Variants in PPCDC observed in about 807,000 individuals in gnomAD.
PPCDC encodes phosphopantothenoylcysteine decarboxylase.
PPCDC carries 20 observed loss-of-function variants against 20.7 expected under a neutral mutation model. The observed-to-expected ratio is 0.97, with a 90% CI of 0.68 to 1.41. The LOEUF is 1.41. PPCDC is among the 40% of genes most tolerant of loss of function. PPCDC has a pLI of 0.00. For synonymous variants in PPCDC, 88 were observed against 100.3 expected, an observed-to-expected ratio of 0.88 and a Z score of 0.73; for missense variants, 246 against 263.8, an observed-to-expected ratio of 0.93 and a Z score of 0.47.
At chr15:75,043,641 G>A (rs892658877) in intron 3 of PPCDC, 105 bp downstream of exon 3, 1 of 1,050,034 alleles carries the variant, frequency 9.5e-7, no homozygotes, top group Admixed American at 2.2e-5. Flanking sequence ...GACAGGCTGG[G>A]CTCAAGTCTG....
Position 75,043,553 on chromosome 15 carries a change from C to T in PPCDC, c.231+17C>T. 6.3e-7 allele frequency: 1 copy of T among 1,583,252 alleles called. No homozygotes were observed. The highest frequency in any genetic ancestry group is 8.6e-7 in the Non-Finnish European group (1 of 1,158,994). On this transcript the variant is annotated intron_variant, in intron 3 of 5. Coordinates refer to ENST00000342932, the MANE Select transcript of PPCDC (RefSeq NM_021823.5). The stretch of plus-strand genomic sequence containing the variant: ...GAATGGGAGGTCAGTGCTGGGGCCC[C>T]TGGGCTGAGTTCCATTGAGTTTCCA...
At chr15:75,039,488 A>G (rs2066126566) in intron 2 of PPCDC, among the ~76,000 whole-genome samples, 2 of 152,024 alleles carry the variant, frequency 1.3e-5, no homozygotes, top group East Asian at 1.9e-4. Context: ...ACCTGGGGGG[A>G]CTTTAGCTGT....
rs777015835 is a variant in PPCDC at position 75,044,429 on chromosome 15, G to A, written c.275G>A (p.Arg92Gln). The change falls in exon 4 of 6, where the codon CGG becomes CAG. Residue 92 changes from arginine (R) to glutamine (Q), a missense_variant. Coordinates refer to ENST00000342932, the MANE Select transcript of PPCDC (RefSeq NM_021823.5). ...GACCCAGTTCTGCACATTGACCTGC[G>A]GAGGTGGGCAGACCTCCTGCTGGTG... ...RSDPVLHIDLRRWADLLLVAP... is the reference protein window; with the variant it reads ...RSDPVLHIDLQRWADLLLVAP... 1.6e-5 allele frequency: 26 copies of A among 1,614,000 alleles called. No individual in the cohort carries two copies. The highest frequency in any genetic ancestry group is 1.1e-4 in the East Asian group (5 of 44,884).
chr15:75,025,782 A>G (rs2065952982), intron 1 of PPCDC, among the ~76,000 whole-genome samples: 1 of 152,222 alleles, frequency 6.6e-6, no homozygotes, highest in Non-Finnish European at 1.5e-5. Context: ...TAATAGACTT[A>G]CTGGTTTGGA....
chr15:75,028,225 G>C, intron 1 of PPCDC, 22 bp from the exon 2 acceptor site: 1 of 1,495,074 alleles, frequency 6.7e-7, no homozygotes, highest in Non-Finnish European at 9.0e-7. Context: ...AATGAAGGGG[G>C]TGGCCCTTGT....
intron 2 of PPCDC, among the ~76,000 whole-genome samples, chr15:75,036,837 G>T (rs531522203): frequency 6.6e-6 from 1 of 151,738 alleles, no homozygotes; most frequent in African/African-American, 2.4e-5. Flanking sequence ...ATGATTGATT[G>T]ATTATTTTTT....
At chr15:75,035,992 A>T (rs966363039) in intron 2 of PPCDC, among the ~76,000 whole-genome samples, 1 of 151,026 alleles carries the variant, frequency 6.6e-6, no homozygotes, top group African/African-American at 2.4e-5. Context: ...AAGGAAAAAA[A>T]CTTTTTTCTA....
At chr15:75,047,418 G>T (rs2066250667) in intron 4 of PPCDC, among the ~76,000 whole-genome samples, 1 of 152,194 alleles carries the variant, frequency 6.6e-6, no homozygotes, top group Non-Finnish European at 1.5e-5. Flanking sequence ...GGAGGTGCTG[G>T]TCCTGTCCTG....
chr15:75,037,734 C>CTGTTGT (rs201744803), intron 2 of PPCDC, among the ~76,000 whole-genome samples: 2 of 151,988 alleles, frequency 1.3e-5, no homozygotes, highest in East Asian at 1.9e-4. Context: ...AAGTGAGACT[C>CTGTTGT]TGTTGTTGTT....
intron 2 of PPCDC, among the ~76,000 whole-genome samples, chr15:75,039,278 A>AT (rs1216703397): frequency 6.6e-6 from 1 of 152,112 alleles, no homozygotes; most frequent in East Asian, 1.9e-4. Context: ...CCCTACTGCC[A>AT]GGGTTATTTG....
At chr15:75,047,455 C>T (rs1476079664) in intron 4 of PPCDC, among the ~76,000 whole-genome samples, 6 of 152,220 alleles carry the variant, frequency 3.9e-5, no homozygotes, top group Non-Finnish European at 5.9e-5. Flanking sequence ...TGGACTCCTT[C>T]GCTCTTTTCC....
At chr15:75,041,505 C>T (rs542464395) in intron 2 of PPCDC, among the ~76,000 whole-genome samples, 15 of 152,116 alleles carry the variant, frequency 9.9e-5, no homozygotes, top group Admixed American at 9.2e-4. Flanking sequence ...GTGACATGCA[C>T]CTGTAGTCCC....
chr15:75,048,603 G>A lies in PPCDC; in HGVS notation c.411G>A (p.Pro137=), dbSNP rs773640741. ...WDRSKPLLFC[P]AMNTAMWEHP... ...GCAGCAAGCCCCTGCTCTTCTGCCC[G>A]GCCATGAACACCGCCATGTGGGAGC... The change falls in exon 5 of 6, where the codon CCG becomes CCA. Residue 137 remains proline (P), a synonymous_variant. Transcript: ENST00000342932. 29 of 1,614,198 alleles carry A rather than the reference G, an allele frequency of 1.8e-5. No homozygotes were observed. The highest frequency in any genetic ancestry group is 9.3e-5 in the African/African-American group (7 of 75,060).
At chr15:75,030,330 C>G (rs191502164) in intron 2 of PPCDC, among the ~76,000 whole-genome samples, 1 of 152,358 alleles carries the variant, frequency 6.6e-6, no homozygotes, top group Non-Finnish European at 1.5e-5. Context: ...TGTTGAAGCA[C>G]TCGGTTGTGT....
chr15:75,049,327 C>T lies in PPCDC; in HGVS notation c.*92C>T, dbSNP rs1268524738. On this transcript the variant is annotated 3_prime_UTR_variant, in exon 6 of 6. Transcript: ENST00000342932. ...GATGTTGGCAAAATAGGAGGATACC[C>T]TCATTTGCTGAATGGGGGACCTGCT... 1 of 1,254,906 alleles carries T rather than the reference C, an allele frequency of 8.0e-7. No individual in the cohort carries two copies. Among genetic ancestry groups the T allele is most frequent in the African/African-American group, 1.5e-5 (1 of 67,768 alleles). 77.7% of individuals were successfully genotyped at this position (1,254,906 alleles called of 1,614,324 possible). A position where few individuals can be genotyped will look rare whatever the true frequency, so the allele number is the denominator to read the frequency against.
At chr15:75,044,350 T>A (rs768377811) in intron 3 of PPCDC, 36 bp from the exon 4 acceptor site, 1 of 1,609,544 alleles carries the variant, frequency 6.2e-7, no homozygotes, top group South Asian at 1.1e-5. Flanking sequence ...GCATCCTGCT[T>A]CCTCCACACT....
intron 1 of PPCDC, among the ~76,000 whole-genome samples, chr15:75,024,632 G>A (rs1444009789): frequency 2.0e-5 from 3 of 151,304 alleles, no homozygotes; most frequent in African/African-American, 7.3e-5. Flanking sequence ...GGGATTACAG[G>A]TGTGAGCCAC....
chr15:75,049,569 T>G lies in PPCDC; in HGVS notation c.*334T>G. The G allele has an allele frequency of 3.9e-6, 1 of 258,014 alleles. No individual in the cohort carries two copies. The highest frequency in any genetic ancestry group is 5.1e-5 in the Admixed American group (1 of 19,776). 16.0% of individuals were successfully genotyped at this position (258,014 alleles called of 1,614,324 possible). A position where few individuals can be genotyped will look rare whatever the true frequency, so the allele number is the denominator to read the frequency against. On this transcript the variant is annotated 3_prime_UTR_variant, in exon 6 of 6. Transcript: ENST00000342932. ...TCTACATCTCACCCAGAACGGCTTT[T>G]AGAAACACCACAGCTGGAGAGTCCT... is the stretch of plus-strand genomic sequence containing the variant.
intron 2 of PPCDC, among the ~76,000 whole-genome samples, chr15:75,041,902 A>G (rs990171517): frequency 2.6e-5 from 4 of 152,232 alleles, no homozygotes; most frequent in African/African-American, 9.6e-5. Flanking sequence ...TCAGAGAGAC[A>G]GTAAGGAGGA....
Sources: allele counts gnomAD v4.1 joint callset (sites outside exome capture counted in the v4.1 genomes callset), GRCh38; gene constraint gnomAD v4.1.1; transcripts MANE v1.5; gene names NCBI Gene and HGNC (gene_info 2026-07-23, HGNC 2026-07-21).